Variants in PACRG observed in about 807,000 individuals in gnomAD.
PACRG encodes parkin coregulated, also known as parkin coregulated gene protein.
PACRG carries 29 observed loss-of-function variants against 29.7 expected under a neutral mutation model. The ratio of observed to expected loss-of-function variants is 0.98; its 90% CI spans 0.73 to 1.33. The LOEUF (loss-of-function observed/expected upper bound fraction) is 1.33, where lower values mean the gene tolerates loss of function less well. Ranked by LOEUF, PACRG falls within the 40% of genes most tolerant of loss-of-function variation. The pLI, the probability that PACRG is intolerant of heterozygous loss-of-function variation, is 0.00. For missense variants in PACRG, 279 were observed against 316.2 expected, an observed-to-expected ratio of 0.88 and a Z score of 0.89; for synonymous variants, 116 against 118.7, an observed-to-expected ratio of 0.98 and a Z score of 0.15.
intron 3 of PACRG, among the ~76,000 whole-genome samples, chr6:163,063,882 C>A (rs1811303311): frequency 6.6e-6 from 1 of 152,134 alleles, no homozygotes; most frequent in South Asian, 2.1e-4. Context: ...GCGTCCCGAG[C>A]CACGTTAAAA....
intron 2 of PACRG, among the ~76,000 whole-genome samples, chr6:162,944,998 T>C (rs1798902284): frequency 6.6e-6 from 1 of 151,598 alleles, no homozygotes; most frequent in African/African-American, 2.4e-5. Context: ...GATCCCCAAA[T>C]AGAAAGTGTA....
intron 4 of PACRG, among the ~76,000 whole-genome samples, chr6:163,247,090 C>T (rs985463948): frequency 9.2e-5 from 14 of 152,162 alleles, no homozygotes; most frequent in East Asian, 1.9e-4. Context: ...TGAGTTCATA[C>T]GCTCCAAGAA....
chr6:163,085,165 A>G (rs1455487828), intron 3 of PACRG, among the ~76,000 whole-genome samples: 1 of 152,092 alleles, frequency 6.6e-6, no homozygotes, highest in Admixed American at 6.5e-5. Context: ...CAAAAACAAA[A>G]CCTATGAAAT....
intron 4 of PACRG, among the ~76,000 whole-genome samples, chr6:163,302,676 T>G (rs1785048354): frequency 6.6e-6 from 1 of 152,254 alleles, no homozygotes; most frequent in Admixed American, 6.5e-5. Flanking sequence ...CATCCATTAA[T>G]TCATTTTAGA....
chr6:163,264,498 AC>A (rs1273252855), intron 4 of PACRG, among the ~76,000 whole-genome samples: 1 of 152,186 alleles, frequency 6.6e-6, no homozygotes, highest in Non-Finnish European at 1.5e-5. Flanking sequence ...GCCCATGCAA[AC>A]AGTAGGTGCC....
At chr6:163,044,412 C>T (rs182677200) in intron 2 of PACRG, among the ~76,000 whole-genome samples, 3 of 152,270 alleles carry the variant, frequency 2.0e-5, no homozygotes, top group Admixed American at 2.0e-4. Flanking sequence ...AGCAATCCTC[C>T]TGCCTTGGCC....
chr6:162,794,567 A>G (rs1177618162), intron 1 of PACRG, among the ~76,000 whole-genome samples: 1 of 152,200 alleles, frequency 6.6e-6, no homozygotes, highest in Non-Finnish European at 1.5e-5. Flanking sequence ...TAATTTTCAT[A>G]TGGTTTGGCC....
chr6:163,010,504 G>A (rs1038543001), intron 2 of PACRG, among the ~76,000 whole-genome samples: 2 of 152,006 alleles, frequency 1.3e-5, no homozygotes, highest in Non-Finnish European at 2.9e-5. Context: ...CTTTATAGAC[G>A]GGCCCTGCCT....
chr6:163,050,650 T>C (rs1208106167), intron 2 of PACRG, among the ~76,000 whole-genome samples: 1 of 152,228 alleles, frequency 6.6e-6, no homozygotes, highest in Non-Finnish European at 1.5e-5. Flanking sequence ...TTTTGAATGA[T>C]AATTTTACTA....
chr6:163,109,757 G>T (rs912558798), intron 4 of PACRG, among the ~76,000 whole-genome samples: 4 of 152,024 alleles, frequency 2.6e-5, no homozygotes, highest in African/African-American at 9.7e-5. Context: ...AAACAAGCAG[G>T]GATTTCCACT....
chr6:162,971,688 T>C (rs1003126548), intron 2 of PACRG, among the ~76,000 whole-genome samples: 3 of 152,214 alleles, frequency 2.0e-5, no homozygotes, highest in African/African-American at 7.2e-5. Flanking sequence ...AAGTAAATCT[T>C]ATGGAATAAG....
intron 2 of PACRG, among the ~76,000 whole-genome samples, chr6:163,039,117 G>A (rs1808463578): frequency 6.6e-6 from 1 of 152,178 alleles, no homozygotes; most frequent in South Asian, 2.1e-4. Context: ...TCATAATAGA[G>A]AAGGAGTTCT....
intron 2 of PACRG, among the ~76,000 whole-genome samples, chr6:162,932,647 C>T (rs1250298259): frequency 2.6e-5 from 4 of 151,642 alleles, no homozygotes; most frequent in Non-Finnish European, 5.9e-5. Flanking sequence ...TCATTTTTTT[C>T]TAGGTTTCTA....
intron 2 of PACRG, among the ~76,000 whole-genome samples, chr6:162,858,513 T>C (rs961484630): frequency 2.6e-5 from 4 of 152,188 alleles, no homozygotes; most frequent in African/African-American, 9.7e-5. Context: ...TATATTTTCC[T>C]TACCTATCAC....
chr6:163,027,690 T>C (rs1191508666), intron 2 of PACRG, among the ~76,000 whole-genome samples: 2 of 152,152 alleles, frequency 1.3e-5, no homozygotes, highest in Non-Finnish European at 2.9e-5. Context: ...CACGTCAGGT[T>C]CGGCAGAGAG....
chr6:162,817,096 T>A (rs1787420902), intron 2 of PACRG, among the ~76,000 whole-genome samples: 1 of 152,198 alleles, frequency 6.6e-6, no homozygotes, highest in African/African-American at 2.4e-5. Flanking sequence ...TTTATCAGTG[T>A]TTCCAGAGCC....
At chr6:162,947,737 G>C (rs1799350579) in intron 2 of PACRG, among the ~76,000 whole-genome samples, 1 of 144,698 alleles carries the variant, frequency 6.9e-6, no homozygotes, top group African/African-American at 2.6e-5. Flanking sequence ...AACATCAGCA[G>C]TGTTTCCATT....
intron 4 of PACRG, among the ~76,000 whole-genome samples, chr6:163,207,431 C>T (rs1452844535): frequency 3.3e-5 from 5 of 152,212 alleles, no homozygotes; most frequent in Admixed American, 3.3e-4. Flanking sequence ...AAAATAAACA[C>T]ATCCTCAAGA....
chr6:162,995,576 G>A (rs1035678606), intron 2 of PACRG, among the ~76,000 whole-genome samples: 3 of 152,204 alleles, frequency 2.0e-5, no homozygotes, highest in Non-Finnish European at 2.9e-5. Context: ...CCCACGTGAG[G>A]CAATGCCTTG....
Sources: allele counts gnomAD v4.1 joint callset (sites outside exome capture counted in the v4.1 genomes callset), GRCh38; gene constraint gnomAD v4.1.1; transcripts MANE v1.5; gene names NCBI Gene and HGNC (gene_info 2026-07-23, HGNC 2026-07-21).